Variants in KIAA0825 observed in about 807,000 individuals in gnomAD.
KIAA0825 encodes KIAA0825, also known as uncharacterized protein KIAA0825.
KIAA0825 carries 119 observed loss-of-function variants against 147.6 expected under a neutral mutation model. The observed-to-expected ratio is 0.81, with a 90% CI of 0.69 to 0.94. KIAA0825 has a LOEUF of 0.94. KIAA0825 is among the 40% of genes least tolerant of loss of function. KIAA0825 has a pLI of 0.00. For missense variants in KIAA0825, 1,381 were observed against 1,472.7 expected (o/e 0.94, Z 1.02); for synonymous variants, 470 against 518.1 (o/e 0.91, Z 1.26).
chr5:94,366,628 A>G (rs1444553757), intron 20 of KIAA0825, among the ~76,000 whole-genome samples: 3 of 152,202 alleles, frequency 2.0e-5, no homozygotes, highest in East Asian at 3.8e-4. Context: ...CTTGTACTAA[A>G]TACCTGCTAA....
At chr5:94,417,162 T>C in intron 15 of KIAA0825, 39 bp downstream of exon 15, 1 of 1,516,638 alleles carries the variant, frequency 6.6e-7, no homozygotes, top group East Asian at 2.5e-5. Context: ...TATAAGTATC[T>C]ATAGAACATT....
chr5:94,228,619 A>G (rs917673838), intron 20 of KIAA0825, among the ~76,000 whole-genome samples: 4 of 152,188 alleles, frequency 2.6e-5, no homozygotes, highest in African/African-American at 7.2e-5. Context: ...TCTAGACACA[A>G]TGGAGTTTGG....
chr5:94,567,582 C>G (rs1778937347), intron 2 of KIAA0825: 1 of 152,318 alleles, frequency 6.6e-6, no homozygotes, highest in Non-Finnish European at 1.5e-5. Flanking sequence ...GGAATCATGT[C>G]TTTCCTACTC....
chr5:94,535,843 T>C (rs1019197855), intron 3 of KIAA0825, among the ~76,000 whole-genome samples: 40 of 152,348 alleles, frequency 2.6e-4, no homozygotes, highest in Admixed American at 1.1e-3. Flanking sequence ...CCAATTACCA[T>C]TGTAAAAAGT....
intron 20 of KIAA0825, among the ~76,000 whole-genome samples, chr5:94,297,907 A>G (rs959070728): frequency 6.7e-6 from 1 of 149,864 alleles, no homozygotes; most frequent in Non-Finnish European, 1.5e-5. Context: ...CATCACTATT[A>G]TTATTTTCAG....
intron 14 of KIAA0825, among the ~76,000 whole-genome samples, chr5:94,419,995 A>G (rs1260413967): frequency 6.6e-6 from 1 of 152,176 alleles, no homozygotes; most frequent in Non-Finnish European, 1.5e-5. Context: ...GGGAACACAG[A>G]CAAGTTACAA....
At chr5:94,500,841 G>A (rs937611437) in intron 5 of KIAA0825, among the ~76,000 whole-genome samples, 20 of 151,980 alleles carry the variant, frequency 1.3e-4, no homozygotes, top group African/African-American at 4.8e-4. Flanking sequence ...GCAATGGCTC[G>A]ATCTCAGCTC....
intron 20 of KIAA0825, among the ~76,000 whole-genome samples, chr5:94,217,229 A>C (rs1264626471): frequency 6.6e-6 from 1 of 152,100 alleles, no homozygotes; most frequent in African/African-American, 2.4e-5. Context: ...TGTAGATACC[A>C]TTTTAAAATG....
chr5:94,154,302 G>A (rs896538587), intron 20 of KIAA0825, among the ~76,000 whole-genome samples, 178 bp from the exon 21 acceptor site: 1 of 152,162 alleles, frequency 6.6e-6, no homozygotes, highest in Non-Finnish European at 1.5e-5. Context: ...CGCGGAGTGG[G>A]CCAGGAGAGT....
At chr5:94,376,706 T>G (rs1395135106) in intron 20 of KIAA0825, among the ~76,000 whole-genome samples, 1 of 152,118 alleles carries the variant, frequency 6.6e-6, no homozygotes, top group East Asian at 1.9e-4. Context: ...TGATGATGGG[T>G]AGAGCGAGTC....
intron 2 of KIAA0825, among the ~76,000 whole-genome samples, chr5:94,561,785 C>A (rs1478307539): frequency 6.6e-6 from 1 of 152,124 alleles, no homozygotes; most frequent in Non-Finnish European, 1.5e-5. Flanking sequence ...CCCTTCTTGA[C>A]TGACATCTTG....
intron 13 of KIAA0825, among the ~76,000 whole-genome samples, chr5:94,445,315 T>A (rs1757591456): frequency 6.6e-6 from 1 of 152,210 alleles, no homozygotes; most frequent in Non-Finnish European, 1.5e-5. Context: ...TATATAGCTC[T>A]TTACTAACAG....
chr5:94,388,098 G>A (rs548807984), intron 18 of KIAA0825, among the ~76,000 whole-genome samples: 27 of 152,298 alleles, frequency 1.8e-4, no homozygotes, highest in Non-Finnish European at 2.5e-4. Flanking sequence ...GGGGAGTATG[G>A]TTTTAGGATG....
At chr5:94,294,157 T>G (rs1235512302) in intron 20 of KIAA0825, among the ~76,000 whole-genome samples, 1 of 152,222 alleles carries the variant, frequency 6.6e-6, no homozygotes. Context: ...ATGTGTGTAT[T>G]TGATCCTGTC....
At chr5:94,608,483 ATATAT>A (rs1788028025) in intron 1 of KIAA0825, among the ~76,000 whole-genome samples, 1 of 13,764 alleles carries the variant, frequency 7.3e-5, no homozygotes, top group African/African-American at 2.4e-4. Context: ...TAATATATAT[ATATAT>A]ATAATTATAT....
chr5:94,229,838 C>A (rs1774533725), intron 20 of KIAA0825, among the ~76,000 whole-genome samples: 1 of 152,020 alleles, frequency 6.6e-6, no homozygotes, highest in South Asian at 2.1e-4. Context: ...TTTCTTCTGC[C>A]ATCTAATGCA....
At position 94,391,522 on chromosome 5, in the gene KIAA0825, G is replaced by T; in HGVS notation, c.3456+13C>A. The T allele has an allele frequency of 6.5e-7, 1 of 1,549,552 alleles. No individual in the cohort carries two copies. Among genetic ancestry groups the T allele is most frequent in the Non-Finnish European group, 8.7e-7 (1 of 1,145,106 alleles). ...ACACACCTAATTGCTCGATAAAAAG[G>T]CCGTTTCCCTACCTCATTGAGCTGC... On this transcript the variant is annotated intron_variant, in intron 18 of 20. Coordinates refer to ENST00000682413, the MANE Select transcript of KIAA0825 (RefSeq NM_001145678.3).
In KIAA0825 at chr5:94,152,246, A is replaced by C. The variant is rs1480534368; in HGVS notation, c.*1761T>G. Reference sequence around the variant, plus strand: ...ACCCCAAGCTTTTACTCTTTGAAAAATGCATGAGTACTTTCCTTTGGAAAT... The same window carrying C: ...ACCCCAAGCTTTTACTCTTTGAAAACTGCATGAGTACTTTCCTTTGGAAAT... On this transcript the variant is annotated 3_prime_UTR_variant, in exon 21 of 21. Transcript: ENST00000682413. 6.6e-6 allele frequency among the ~76,000 whole-genome samples: 1 copy of C among 152,238 alleles called. No homozygotes were observed. Among genetic ancestry groups the C allele is most frequent in the Non-Finnish European group, 1.5e-5 (1 of 68,048 alleles).
intron 15 of KIAA0825, chr5:94,413,339 T>C (rs1315897013): frequency 6.6e-6 from 1 of 152,116 alleles, no homozygotes; most frequent in East Asian, 1.9e-4. Context: ...CAAAGACTTA[T>C]ACACTAGTAT....
Sources: allele counts gnomAD v4.1 joint callset (sites outside exome capture counted in the v4.1 genomes callset), GRCh38; gene constraint gnomAD v4.1.1; transcripts MANE v1.5; gene names NCBI Gene and HGNC (gene_info 2026-07-23, HGNC 2026-07-21).